Variants in ESPN observed in about 807,000 individuals in gnomAD.
The protein encoded by ESPN is espin.
In ESPN, 68 loss-of-function variants were observed where a neutral mutation model predicts 77.7. The ratio of observed to expected loss-of-function variants is 0.87; its 90% CI spans 0.72 to 1.07. The LOEUF (loss-of-function observed/expected upper bound fraction) is 1.07, where lower values mean the gene tolerates loss of function less well. Among genes scored for constraint, ESPN ranks in the 50% least tolerant of loss-of-function variants. The pLI is 0.00. For synonymous variants in ESPN, 449 were observed against 567.1 expected (o/e 0.79, Z 2.96); for missense variants, 1,060 against 1,239.0 (o/e 0.86, Z 2.17).
chr1:6,428,296 G>A lies in ESPN; in HGVS notation c.365G>A (p.Trp122Ter). 1 of 1,613,386 alleles carries A rather than the reference G, an allele frequency of 6.2e-7. No homozygotes were observed. Among genetic ancestry groups the A allele is most frequent in the Non-Finnish European group, 8.5e-7 (1 of 1,180,004 alleles). ...ARFGHPEVVN[W>*]LLHHGGGDPT... ...TTCGGCCACCCCGAGGTGGTGAACT[G>A]GCTCTTGCATCATGGCGGTGGGGAC... is the stretch of plus-strand genomic sequence containing the variant. The change falls in exon 2 of 13, where the codon TGG (tryptophan) becomes TAG (stop). Residue 122 changes from tryptophan to a stop codon, truncating the protein, a stop_gained. Coordinates refer to ENST00000645284, the MANE Select transcript of ESPN (RefSeq NM_031475.3). LOFTEE classifies it high-confidence loss of function. This position sits in a 1 kb window ranked among gnomAD's most constrained non-coding sequence, Gnocchi z 5.4.
chr1:6,432,696 C>T (rs531344845), intron 2 of ESPN, among the ~76,000 whole-genome samples: 1 of 152,244 alleles, frequency 6.6e-6, no homozygotes, highest in African/African-American at 2.4e-5. Flanking sequence ...TACCTGAACC[C>T]CTTGGGCTCA....
rs1334408350 is a variant in ESPN, at chr1:6,451,718, G to C, written c.2031G>C (p.Val677=). The C allele has an allele frequency of 6.2e-7, 1 of 1,612,856 alleles. No individual in the cohort carries two copies. The change falls in exon 9 of 13, where the codon GTG becomes GTC. Residue 677 remains valine, a synonymous_variant. Transcript: ENST00000645284. The surrounding 1 kb of genome is among the most constrained non-coding windows in gnomAD (Gnocchi z 4.3). ...CCCAGAGCAAGGGGCTGACCACAGT[G>C]TTCTCAGGCATCGGGCAGCCGGCCT... is the stretch of plus-strand genomic sequence containing the variant. ...PTPQSKGLTT[V]FSGIGQPAFQ... is the part of the protein sequence containing the mutation.
At chr1:6,429,564 G>C (rs1444693449) in intron 2 of ESPN, among the ~76,000 whole-genome samples, 1 of 152,194 alleles carries the variant, frequency 6.6e-6, no homozygotes, top group African/African-American at 2.4e-5. Flanking sequence ...CTCACTTCAA[G>C]CAGAGGAGAA....
rs1379384002 is a variant in ESPN, at chr1:6,425,155, C to T, written c.200C>T (p.Ala67Val). 6.6e-7 allele frequency: 1 copy of T among 1,515,242 alleles called. No homozygotes were observed. Among genetic ancestry groups the T allele is most frequent in the Non-Finnish European group, 8.8e-7 (1 of 1,139,664 alleles). The allele number at this position is 1,515,242 out of a possible 1,614,324, so 93.9% of individuals were successfully genotyped here. The change falls in exon 1 of 13, where the codon GCC (alanine) becomes GTC (valine). Residue 67 changes from alanine to valine, a missense_variant. By Grantham distance (64) the Ala-to-Val change is moderately conservative (BLOSUM62 0). Coordinates refer to ENST00000645284, the MANE Select transcript of ESPN (RefSeq NM_031475.3). ...GCCGCCCTCCCCGCCGCGGCCCGCG[C>T]CCGCAACGGCGCCACACCGGCCCAC... ...EEAALPAAAR[A>V]RNGATPAHDA... is the part of the protein sequence containing the mutation.
At position 6,428,531 on chromosome 1, in the gene ESPN, G is replaced by T. The variant is rs1336196846; in HGVS notation, c.488+112G>T. On this transcript the variant is annotated intron_variant, in intron 2 of 12. Coordinates refer to ENST00000645284, the MANE Select transcript of ESPN (RefSeq NM_031475.3). This position sits in a 1 kb window ranked among gnomAD's most constrained non-coding sequence, Gnocchi z 5.4. ...CTCCAGGGCAATGATCCCTCCAGTG[G>T]CCATCCTGGGGCCAGAGGGCCAGGC... The T allele has an allele frequency of 6.3e-6, 6 of 950,864 alleles. No individual in the cohort carries two copies. The highest frequency in any genetic ancestry group is 7.8e-6 in the Non-Finnish European group (5 of 641,416). 58.9% of individuals were successfully genotyped at this position (950,864 alleles called of 1,614,324 possible). A position where few individuals can be genotyped will look rare whatever the true frequency, so the allele number is the denominator to read the frequency against.
chr1:6,452,076 G>T lies in ESPN; in HGVS notation c.2305G>T (p.Glu769Ter). Reference protein sequence around the residue: ...VRKMQLKMQEEEEQRRKEEEE... With the variant: ...VRKMQLKMQE ...CAAGATGCAGCTGAAGATGCAGGAG[G>T]AGGAGGAGCAGAGGCGGAAGGTGGG... The change falls in exon 10 of 13, where the codon GAG becomes TAG. Residue 769 changes from glutamate (E) to a stop codon, truncating the protein, a stop_gained. Transcript: ENST00000645284. LOFTEE classifies it high-confidence loss of function. 6.4e-7 allele frequency: 1 copy of T among 1,555,606 alleles called. No homozygotes were observed. The highest frequency in any genetic ancestry group is 8.7e-7 in the Non-Finnish European group (1 of 1,150,226).
chr1:6,446,283 GCATGCCCCCCCACCCCCA>G (rs1195656458), intron 7 of ESPN, among the ~76,000 whole-genome samples: 1 of 151,986 alleles, frequency 6.6e-6, no homozygotes, highest in Admixed American at 6.5e-5. Flanking sequence ...CCCTCCCCAA[GCATGCCCCCCCACCCCCA>G]CAGCCCCAGG....
intron 2 of ESPN, among the ~76,000 whole-genome samples, chr1:6,429,094 GGGGAGGGA>G (rs373980812): frequency 0.018 from 2,706 of 149,806 alleles, 91 homozygotes; most frequent in African/African-American, 0.061. Flanking sequence ...TGTGAGTCTT[GGGGAGGGA>G]GGGAGGGAGG....
rs1160188338 is a variant in ESPN, at chr1:6,451,151, A to C, written c.1916-452A>C. ...CGGACTTTATGTCCATGGAGGCCCC[A>C]ATTGACTCAGTTCAAGGGTCACTGA... is the stretch of plus-strand genomic sequence containing the variant. On this transcript the variant is annotated intron_variant, in intron 8 of 12. Coordinates refer to ENST00000645284, the MANE Select transcript of ESPN (RefSeq NM_031475.3). This position sits in a 1 kb window ranked among gnomAD's most constrained non-coding sequence, Gnocchi z 4.3. Among the ~76,000 whole-genome samples, 3 of 152,296 alleles carry C rather than the reference A, an allele frequency of 2.0e-5. No homozygotes were observed. Among genetic ancestry groups the C allele is most frequent in the South Asian group, 2.1e-4 (1 of 4,824 alleles).
intron 2 of ESPN, among the ~76,000 whole-genome samples, chr1:6,435,061 G>A (rs193150965): frequency 1.3e-4 from 20 of 152,192 alleles, no homozygotes; most frequent in Admixed American, 7.9e-4. Flanking sequence ...GCTAGCTGAC[G>A]GCCTGGGGTG....
intron 12 of ESPN, among the ~76,000 whole-genome samples, 174 bp downstream of exon 12, chr1:6,457,546 T>C (rs1217585877): frequency 2.0e-5 from 3 of 152,208 alleles, no homozygotes; most frequent in Non-Finnish European, 4.4e-5. Context: ...AATAACTTTG[T>C]TCCCGGTTAC....
intron 1 of ESPN, among the ~76,000 whole-genome samples, chr1:6,425,468 G>C (rs777328240): frequency 2.0e-5 from 3 of 152,240 alleles, no homozygotes; most frequent in Non-Finnish European, 4.4e-5. Context: ...CCCTGGAAGC[G>C]CACCTGGGTG....
chr1:6,451,889 ACCG>A lies in ESPN; in HGVS notation c.2121_2123del (p.Pro708del). The A allele has an allele frequency of 3.7e-6, 6 of 1,610,946 alleles. No individual in the cohort carries two copies. The highest frequency in any genetic ancestry group is 5.1e-6 in the Non-Finnish European group (6 of 1,178,954). ...CACTGTCACCAGTCCGGAGCCCCAC[ACCG>A]CCAGCTGCGGGGTTTCAGCCGCTGC... On this transcript the variant is annotated inframe_deletion, in exon 10 of 13. Transcript: ENST00000645284. The surrounding 1 kb of genome is among the most constrained non-coding windows in gnomAD (Gnocchi z 4.3).
intron 2 of ESPN, among the ~76,000 whole-genome samples, chr1:6,431,048 C>T (rs975092391): frequency 6.6e-6 from 1 of 152,216 alleles, no homozygotes; most frequent in Non-Finnish European, 1.5e-5. Flanking sequence ...CTCTGTCCCC[C>T]TCACACCTGC....
chr1:6,450,472 T>C lies in ESPN; in HGVS notation c.1916-1131T>C. 2 of 976,942 alleles carry C rather than the reference T, an allele frequency of 2.0e-6. No individual in the cohort carries two copies. The highest frequency in any genetic ancestry group is 1.2e-6 in the Non-Finnish European group (1 of 822,784). The allele number at this position is 976,942 out of a possible 1,614,324, so 60.5% of individuals were successfully genotyped here. On this transcript the variant is annotated intron_variant, in intron 8 of 12. Coordinates refer to ENST00000645284, the MANE Select transcript of ESPN (RefSeq NM_031475.3). The surrounding 1 kb of genome is among the most constrained non-coding windows in gnomAD (Gnocchi z 4.3). ...TGAGAGTCCTGAGGCACAGGAAGAG[T>C]GAGTAGCTGCGTGCGCGGCTCCTGG...
At chr1:6,436,781 C>T (rs887172871) in intron 2 of ESPN, among the ~76,000 whole-genome samples, 2 of 152,110 alleles carry the variant, frequency 1.3e-5, no homozygotes, top group African/African-American at 4.8e-5. Context: ...TGCTTGGATT[C>T]CAGGTGTGTG....
intron 10 of ESPN, chr1:6,455,884 C>T (rs185034541): frequency 5.0e-6 from 2 of 398,946 alleles, no homozygotes; most frequent in African/African-American, 4.1e-5. Flanking sequence ...GAGCCGGCCC[C>T]CGAAGAACAG....
chr1:6,441,157 C>G, intron 5 of ESPN, 92 bp downstream of exon 5: 2 of 1,533,040 alleles, frequency 1.3e-6, no homozygotes, highest in South Asian at 2.4e-5. Flanking sequence ...AAGGAGGAAG[C>G]TGAGGTTCAG....
At chr1:6,436,013 G>A (rs1176025033) in intron 2 of ESPN, among the ~76,000 whole-genome samples, 6 of 152,176 alleles carry the variant, frequency 3.9e-5, no homozygotes, top group African/African-American at 1.4e-4. Context: ...TCCTTATAGC[G>A]AAGCCGGGGC....
Sources: allele counts gnomAD v4.1 joint callset (sites outside exome capture counted in the v4.1 genomes callset), GRCh38; gene constraint gnomAD v4.1.1; non-coding constraint Gnocchi (gnomAD v3.1); transcripts MANE v1.5; gene names NCBI Gene and HGNC (gene_info 2026-07-23, HGNC 2026-07-21).